KCNH7: variants seen among roughly 807,000 people sequenced by gnomAD.
The protein encoded by KCNH7 is potassium voltage-gated channel subfamily H member 7, also known as voltage-gated inwardly rectifying potassium channel KCNH7.
KCNH7 carries 49 observed loss-of-function variants against 120.8 expected under a neutral mutation model. The ratio of observed to expected loss-of-function variants is 0.41; its 90% CI spans 0.32 to 0.51. KCNH7 has a LOEUF of 0.51. Ranked by LOEUF, KCNH7 falls within the 20% of genes least tolerant of loss-of-function variation. The probability of loss-of-function intolerance (pLI) is 0.38; values close to 1 mark genes in which losing one functional copy is unlikely to be tolerated. For synonymous variants in KCNH7, 547 were observed against 516.1 expected, an observed-to-expected ratio of 1.06 and a Z score of -0.81; for missense variants, 1,097 against 1,446.6, an observed-to-expected ratio of 0.76 and a Z score of 3.92.
intron 2 of KCNH7, among the ~76,000 whole-genome samples, chr2:162,605,496 C>G (rs1034307192): frequency 6.6e-6 from 1 of 152,022 alleles, no homozygotes; most frequent in African/African-American, 2.4e-5. Context: ...TTATAATGGT[C>G]CAGTGGCCAG....
intron 2 of KCNH7, among the ~76,000 whole-genome samples, chr2:162,836,227 G>A (rs1442784237): frequency 6.6e-6 from 1 of 152,160 alleles, no homozygotes; most frequent in African/African-American, 2.4e-5. Context: ...ACCAATGCAA[G>A]CAGTACATTG....
At chr2:162,455,571 C>CT (rs767331213) in intron 6 of KCNH7, among the ~76,000 whole-genome samples, 1 of 151,918 alleles carries the variant, frequency 6.6e-6, no homozygotes, top group East Asian at 1.9e-4. Context: ...TGGTCCTGGG[C>CT]TTTTTTTGGT....
chr2:162,789,981 A>AT (rs1168345431), intron 2 of KCNH7, among the ~76,000 whole-genome samples: 4 of 151,916 alleles, frequency 2.6e-5, no homozygotes, highest in African/African-American at 9.7e-5. Context: ...AACAGAAAAA[A>AT]ATCAAACTAT....
At chr2:162,599,173 C>A (rs1694471608) in intron 2 of KCNH7, among the ~76,000 whole-genome samples, 1 of 151,726 alleles carries the variant, frequency 6.6e-6, no homozygotes, top group African/African-American at 2.4e-5. Flanking sequence ...TCACTGCACT[C>A]TAGCCTGGGC....
intron 2 of KCNH7, among the ~76,000 whole-genome samples, chr2:162,669,496 G>T (rs1435014): frequency 0.13 from 19,882 of 152,124 alleles, 1,479 homozygotes; most frequent in East Asian, 0.34. Context: ...CAACTCTTCG[G>T]AAAGGTTTCT....
At chr2:162,598,458 C>CA (rs112140347) in intron 2 of KCNH7, among the ~76,000 whole-genome samples, 23 of 151,050 alleles carry the variant, frequency 1.5e-4, no homozygotes, top group African/African-American at 4.6e-4. Flanking sequence ...TATATGTGGC[C>CA]AAAAAAAATC....
chr2:162,423,100 A>T, intron 9 of KCNH7: 1 of 820,384 alleles, frequency 1.2e-6, no homozygotes, highest in Non-Finnish European at 1.8e-6. Context: ...TCTACTACAC[A>T]CAGTTATATC....
rs181467643 is a variant in KCNH7, at chr2:162,563,428, A to G, written c.308-26348T>C. 1.5e-3 allele frequency among the ~76,000 whole-genome samples: 235 copies of G among 152,260 alleles called. 1 individual carries two copies. The highest frequency in any genetic ancestry group is 5.4e-3 in the African/African-American group (224 of 41,560). ...GGAATTTACATACACATACACACAC[A>G]GAGGCACACACATCCTTCTCAGTGG... On this transcript the variant is annotated intron_variant, in intron 2 of 15. Coordinates refer to ENST00000332142, the MANE Select transcript of KCNH7 (RefSeq NM_033272.4).
chr2:162,821,413 T>C (rs1685117059), intron 2 of KCNH7, among the ~76,000 whole-genome samples: 2 of 152,228 alleles, frequency 1.3e-5, no homozygotes, highest in Admixed American at 1.3e-4. Context: ...TCTGACTCAT[T>C]TCTCCAGATT....
chr2:162,725,266 A>G (rs1042907103), intron 2 of KCNH7, among the ~76,000 whole-genome samples: 1 of 152,176 alleles, frequency 6.6e-6, no homozygotes, highest in Non-Finnish European at 1.5e-5. Flanking sequence ...AATAAACAGT[A>G]TAAATAGTAT....
In KCNH7 at chr2:162,401,163, A is replaced by G. The variant is rs74515161; in HGVS notation, c.2155-722T>C. On this transcript the variant is annotated intron_variant, in intron 9 of 15. Coordinates refer to ENST00000332142, the MANE Select transcript of KCNH7 (RefSeq NM_033272.4). Reference sequence around the variant, plus strand: ...CTGTTTTGACAACCTATTCAGGGCTAATTTAAAACTTGTTGAACAGATTAA... The same window carrying G: ...CTGTTTTGACAACCTATTCAGGGCTGATTTAAAACTTGTTGAACAGATTAA... Among the ~76,000 whole-genome samples the G allele has an allele frequency of 4.5e-3, 684 of 152,028 alleles. 6 individuals carry two copies. Among genetic ancestry groups the G allele is most frequent in the South Asian group, 9.7e-3 (47 of 4,830 alleles).
chr2:162,577,982 G>T (rs1014455556), intron 2 of KCNH7, among the ~76,000 whole-genome samples: 59 of 152,118 alleles, frequency 3.9e-4, no homozygotes, highest in African/African-American at 1.4e-3. Flanking sequence ...ACCTGCCCAA[G>T]GTCATAGAAT....
chr2:162,720,484 T>TA (rs1447829673), intron 2 of KCNH7, among the ~76,000 whole-genome samples: 5 of 151,974 alleles, frequency 3.3e-5, no homozygotes, highest in African/African-American at 1.2e-4. Flanking sequence ...GCTCTATTTT[T>TA]AAAAAATCTA....
intron 6 of KCNH7, among the ~76,000 whole-genome samples, chr2:162,465,340 A>T (rs1689272823): frequency 6.6e-6 from 1 of 152,170 alleles, no homozygotes; most frequent in Admixed American, 6.5e-5. Context: ...AAGAGTAATC[A>T]TTGCGTTGGT....
At chr2:162,707,947 T>A (rs1686775973) in intron 2 of KCNH7, among the ~76,000 whole-genome samples, 1 of 152,052 alleles carries the variant, frequency 6.6e-6, no homozygotes, top group Admixed American at 6.6e-5. Flanking sequence ...AATATTTCCT[T>A]CTCAGTGATT....
intron 2 of KCNH7, among the ~76,000 whole-genome samples, chr2:162,626,927 A>G (rs905890844): frequency 6.6e-6 from 1 of 152,224 alleles, no homozygotes; most frequent in African/African-American, 2.4e-5. Context: ...ACACTGTGGT[A>G]CCAATCAAAG....
intron 6 of KCNH7, among the ~76,000 whole-genome samples, chr2:162,478,710 G>C (rs1289840835): frequency 3.3e-5 from 5 of 152,084 alleles, no homozygotes; most frequent in Non-Finnish European, 7.4e-5. Flanking sequence ...ATGACACACT[G>C]TATTTCCTCA....
rs1685382186 is a variant in KCNH7 at position 162,672,124 on chromosome 2, T to C, written c.308-135044A>G. 2.6e-5 allele frequency among the ~76,000 whole-genome samples: 4 copies of C among 152,158 alleles called. No homozygotes were observed. In the South Asian group the frequency reaches 8.3e-4, roughly 32 times the overall value. On this transcript the variant is annotated intron_variant, in intron 2 of 15. Coordinates refer to ENST00000332142, the MANE Select transcript of KCNH7 (RefSeq NM_033272.4). ...CGTTGTGGGAGATTTTCCTACACAGTACTGATCCTTCAAGCAGACAAAAAT... is the reference window on the plus strand; with the variant it reads ...CGTTGTGGGAGATTTTCCTACACAGCACTGATCCTTCAAGCAGACAAAAAT...
intron 2 of KCNH7, among the ~76,000 whole-genome samples, chr2:162,773,483 T>C (rs1574370341): frequency 6.6e-6 from 1 of 152,162 alleles, no homozygotes; most frequent in Middle Eastern, 3.2e-3. Flanking sequence ...AGAGTGAGAC[T>C]GTCTAAAAAA....
Sources: gnomAD v4.1 joint callset for allele counts (sites outside exome capture counted in the v4.1 genomes callset) on GRCh38, gnomAD v4.1.1 for gene constraint, MANE v1.5 for transcripts, NCBI Gene and HGNC (gene_info 2026-07-23, HGNC 2026-07-21) for gene names.